Variants in LRP1B observed in about 807,000 individuals in gnomAD.
LRP1B encodes LDL receptor related protein 1B, also known as low-density lipoprotein receptor-related protein 1B.
LRP1B carries 217 observed loss-of-function variants against 556.6 expected under a neutral mutation model. The observed-to-expected ratio is 0.39, with a 90% CI of 0.35 to 0.44. LRP1B has a LOEUF of 0.44. LRP1B is among the 20% of genes least tolerant of loss of function. The pLI, the probability that LRP1B is intolerant of heterozygous loss-of-function variation, is 1.00. For synonymous variants in LRP1B, 2,047 were observed against 1,865.8 expected (o/e 1.10, Z -2.50); for missense variants, 5,053 against 5,620.8 (o/e 0.90, Z 3.23).
chr2:141,280,692 T>G (rs1158185821), intron 3 of LRP1B, among the ~76,000 whole-genome samples: 2 of 152,024 alleles, frequency 1.3e-5, no homozygotes, highest in Non-Finnish European at 2.9e-5. Flanking sequence ...AAATTTTATT[T>G]TTGTACATTC....
At chr2:140,456,358 T>A in intron 62 of LRP1B, 97 bp downstream of exon 62, 2 of 1,187,348 alleles carry the variant, frequency 1.7e-6, no homozygotes, top group African/African-American at 3.1e-5. Flanking sequence ...TGTGACCATC[T>A]CTACAATGTA....
intron 2 of LRP1B, among the ~76,000 whole-genome samples, chr2:141,744,944 G>C (rs13028233): frequency 1.0e-3 from 155 of 152,274 alleles, no homozygotes; most frequent in African/African-American, 3.5e-3. Flanking sequence ...TTGACTCGTA[G>C]AGGTACTACT....
At chr2:140,252,188 C>T (rs1681467679) in intron 86 of LRP1B, among the ~76,000 whole-genome samples, 1 of 148,576 alleles carries the variant, frequency 6.7e-6, no homozygotes, top group African/African-American at 2.5e-5. Context: ...GCCTTTCCAT[C>T]TGTTATTTTT....
intron 2 of LRP1B, among the ~76,000 whole-genome samples, chr2:141,575,760 A>G (rs1310136655): frequency 6.6e-6 from 1 of 152,096 alleles, no homozygotes; most frequent in Non-Finnish European, 1.5e-5. Context: ...AATTAAAAAA[A>G]AAAAACAACT....
At chr2:141,262,659 G>C (rs180935691) in intron 3 of LRP1B, among the ~76,000 whole-genome samples, 96 of 152,174 alleles carry the variant, frequency 6.3e-4, no homozygotes, top group African/African-American at 2.1e-3. Context: ...GTACCATTTA[G>C]TGAGATTACT....
rs531197468 is a variant in LRP1B, at chr2:141,807,891, T to C, written c.205+2388A>G. On this transcript the variant is annotated intron_variant, in intron 2 of 90. Transcript: ENST00000389484. ...GCCTGGTACACTGGTGTGGGCCTTC[T>C]GGGTATCTGCCATGTTTCTAGAGAC... Among the ~76,000 whole-genome samples, 210 of 152,160 alleles carry C rather than the reference T, an allele frequency of 1.4e-3. 1 individual carries two copies. Among genetic ancestry groups the C allele is most frequent in the African/African-American group, 5.0e-3 (208 of 41,536 alleles).
At chr2:140,682,672 T>TTGTGTG (rs1278530673) in intron 41 of LRP1B, among the ~76,000 whole-genome samples, 10 of 53,588 alleles carry the variant, frequency 1.9e-4, no homozygotes, top group African/African-American at 2.3e-4. Context: ...CTTGAGAGTA[T>TTGTGTG]TGCGTGTGTG....
intron 7 of LRP1B, among the ~76,000 whole-genome samples, chr2:141,157,468 C>T (rs1163692920): frequency 1.3e-5 from 2 of 151,964 alleles, no homozygotes; most frequent in Non-Finnish European, 2.9e-5. Context: ...GAAAGAAGAA[C>T]CAAAGTCACA....
intron 47 of LRP1B, among the ~76,000 whole-genome samples, chr2:140,532,929 G>GATATATATATACAT (rs1690765480): frequency 6.0e-5 from 3 of 50,382 alleles, no homozygotes; most frequent in East Asian, 9.7e-4. Context: ...CACAGCACAA[G>GATATATATATACAT]ATATATATAT....
chr2:141,314,807 A>ATTTAT (rs1265044831), intron 3 of LRP1B, among the ~76,000 whole-genome samples: 24 of 68,418 alleles, frequency 3.5e-4, no homozygotes, highest in African/African-American at 1.1e-3. Context: ...AAAAAAAAAA[A>ATTTAT]ATTTATATAT....
At chr2:142,005,056 AATT>A (rs1466518082) in intron 1 of LRP1B, among the ~76,000 whole-genome samples, 1 of 148,340 alleles carries the variant, frequency 6.7e-6, no homozygotes, top group Non-Finnish European at 1.5e-5. Context: ...TTAGTACTAT[AATT>A]ATATATACTC....
At chr2:142,083,515 TGTAA>T (rs1322515610) in intron 1 of LRP1B, among the ~76,000 whole-genome samples, 5 of 152,190 alleles carry the variant, frequency 3.3e-5, no homozygotes, top group African/African-American at 7.2e-5. Context: ...GAGTTTATCA[TGTAA>T]GTATGTGTAA....
chr2:141,490,083 T>G (rs1683272019), intron 2 of LRP1B, among the ~76,000 whole-genome samples: 1 of 152,170 alleles, frequency 6.6e-6, no homozygotes, highest in Non-Finnish European at 1.5e-5. Context: ...TTTAAAGCCC[T>G]GGGAAAGGAG....
chr2:141,133,700 A>G (rs1317977600), intron 7 of LRP1B, among the ~76,000 whole-genome samples: 2 of 152,002 alleles, frequency 1.3e-5, no homozygotes, highest in Non-Finnish European at 2.9e-5. Flanking sequence ...CCTTAGCCCA[A>G]TGACAGGCAA....
At chr2:141,651,360 G>C (rs1201316871) in intron 2 of LRP1B, among the ~76,000 whole-genome samples, 1 of 152,072 alleles carries the variant, frequency 6.6e-6, no homozygotes, top group Non-Finnish European at 1.5e-5. Flanking sequence ...ATCATTTTTA[G>C]CATAAAAGTA....
At chr2:140,694,571 T>A (rs1255610420) in intron 41 of LRP1B, among the ~76,000 whole-genome samples, 1 of 152,168 alleles carries the variant, frequency 6.6e-6, no homozygotes, top group Non-Finnish European at 1.5e-5. Context: ...TACAGCAAAT[T>A]TCCCATCTAG....
Position 140,356,337 on chromosome 2 carries a change from T to A in LRP1B, c.11530+5A>T, listed in dbSNP as rs1294171924. 1 of 1,610,044 alleles carries A rather than the reference T, an allele frequency of 6.2e-7. No homozygotes were observed. Among genetic ancestry groups the A allele is most frequent in the Non-Finnish European group, 8.5e-7 (1 of 1,177,358 alleles). On this transcript the variant is annotated splice_donor_5th_base_variant and intron_variant, in intron 75 of 90. Transcript: ENST00000389484. ...TGAGCAAACTGTTGAAGAAAAGTAC[T>A]CTACCTTCACATTGTCTGTTTTTCA...
At chr2:140,922,041 T>C (rs763687124) in intron 21 of LRP1B, among the ~76,000 whole-genome samples, 36 of 152,154 alleles carry the variant, frequency 2.4e-4, no homozygotes, top group Middle Eastern at 3.4e-3. Context: ...GATGTTATCA[T>C]GACATCTACA....
intron 2 of LRP1B, among the ~76,000 whole-genome samples, chr2:141,524,433 A>T (rs1684627094): frequency 6.6e-6 from 1 of 152,120 alleles, no homozygotes; most frequent in African/African-American, 2.4e-5. Context: ...ACTCGGTTTA[A>T]TTGTTGGGTC....
Sources: gnomAD v4.1 joint callset for allele counts (sites outside exome capture counted in the v4.1 genomes callset) on GRCh38, gnomAD v4.1.1 for gene constraint, MANE v1.5 for transcripts, NCBI Gene and HGNC (gene_info 2026-07-23, HGNC 2026-07-21) for gene names.